The following TMEM229B variants were observed in gnomAD, a reference collection of about 807,000 sequenced individuals.
The protein encoded by TMEM229B is transmembrane protein 229B, also known as chromosome 14 open reading frame 83.
A neutral mutation model predicts 13.7 loss-of-function variants in TMEM229B; 6 were observed. The observed-to-expected ratio is 0.44, with a 90% CI of 0.24 to 0.86. The LOEUF is 0.86. TMEM229B is among the 40% of genes least tolerant of loss of function. TMEM229B has a pLI of 0.23. For missense variants in TMEM229B, 170 were observed against 236.0 expected, an observed-to-expected ratio of 0.72 and a Z score of 1.83; for synonymous variants, 107 against 102.1, an observed-to-expected ratio of 1.05 and a Z score of -0.29.
At chr14:67,527,948 A>C (rs1350544609) in intron 1 of TMEM229B, among the ~76,000 whole-genome samples, 1 of 152,146 alleles carries the variant, frequency 6.6e-6, no homozygotes, top group Non-Finnish European at 1.5e-5. Flanking sequence ...GAGGCCCTCC[A>C]AAGTCCAGTT....
chr14:67,476,864 G>A (rs986892373), intron 2 of TMEM229B, among the ~76,000 whole-genome samples: 4 of 152,018 alleles, frequency 2.6e-5, no homozygotes, highest in African/African-American at 7.2e-5. Context: ...AGTGGCTCAC[G>A]CCTGTAATCC....
At chr14:67,504,840 C>T (rs2032759872) in intron 1 of TMEM229B, among the ~76,000 whole-genome samples, 1 of 152,086 alleles carries the variant, frequency 6.6e-6, no homozygotes, top group South Asian at 2.1e-4. Context: ...GAGCTGAGAT[C>T]TCACCATTGC....
intron 1 of TMEM229B, among the ~76,000 whole-genome samples, chr14:67,507,225 T>C (rs1025102706): frequency 6.6e-6 from 1 of 152,084 alleles, no homozygotes; most frequent in Non-Finnish European, 1.5e-5. Flanking sequence ...GTGGTGCAAC[T>C]ACAGTCCTAG....
chr14:67,484,527 C>T (rs567349004), intron 2 of TMEM229B, among the ~76,000 whole-genome samples: 5 of 152,262 alleles, frequency 3.3e-5, no homozygotes, highest in South Asian at 2.1e-4. Flanking sequence ...AGCAAAAGTT[C>T]CCTGTAATCA....
intron 2 of TMEM229B, among the ~76,000 whole-genome samples, chr14:67,474,187 G>A (rs2031010700): frequency 6.6e-6 from 1 of 152,042 alleles, no homozygotes; most frequent in Non-Finnish European, 1.5e-5. Flanking sequence ...GCAAGGCAGA[G>A]GTTGGAGTGA....
chr14:67,513,548 CCTGTAT>C (rs2033097377), intron 1 of TMEM229B, among the ~76,000 whole-genome samples: 1 of 152,188 alleles, frequency 6.6e-6, no homozygotes, highest in Non-Finnish European at 1.5e-5. Context: ...TCCCCAGTTG[CCTGTAT>C]CTGTCTCCAA....
upstream of TMEM229B, among the ~76,000 whole-genome samples, chr14:67,516,377 C>T (rs540664674): frequency 3.6e-3 from 530 of 146,488 alleles, 1 homozygote; most frequent in African/African-American, 0.012. Flanking sequence ...GTCTAATGGC[C>T]GCTTTTCAAC....
intron 1 of TMEM229B, among the ~76,000 whole-genome samples, chr14:67,495,585 C>A (rs555573490): frequency 6.6e-6 from 1 of 151,890 alleles, no homozygotes; most frequent in Non-Finnish European, 1.5e-5. Flanking sequence ...CAGATTCAAG[C>A]GATTCTCCTG....
At chr14:67,480,981 A>G (rs2140089229) in intron 2 of TMEM229B, among the ~76,000 whole-genome samples, 1 of 152,290 alleles carries the variant, frequency 6.6e-6, no homozygotes, top group Middle Eastern at 3.4e-3. Flanking sequence ...AGAGAAACCT[A>G]GGGTGAGAGA....
At chr14:67,484,218 T>C (rs2031748006) in intron 2 of TMEM229B, among the ~76,000 whole-genome samples, 1 of 152,186 alleles carries the variant, frequency 6.6e-6, no homozygotes, top group Non-Finnish European at 1.5e-5. Context: ...GAAAACTTCA[T>C]GAGAGCAGGG....
chr14:67,480,068 G>A (rs917731154), intron 2 of TMEM229B, among the ~76,000 whole-genome samples: 1 of 152,198 alleles, frequency 6.6e-6, no homozygotes, highest in Admixed American at 6.5e-5. Context: ...GACCACAGAA[G>A]GCTGTTGTGA....
Position 67,487,022 on chromosome 14 carries a change from G to C in TMEM229B, c.-41C>G, listed in dbSNP as rs538340114. ...CACTTATCACACCCTTGAGTGTGCA[G>C]CTCACAACAGACATCAGGATCACTG... On this transcript the variant is annotated 5_prime_UTR_variant, in exon 2 of 3. Transcript: ENST00000554480. The C allele has an allele frequency of 6.6e-6, 1 of 152,298 alleles. No homozygotes were observed. Among genetic ancestry groups the C allele is most frequent in the African/African-American group, 2.4e-5 (1 of 41,542 alleles). 9.4% of individuals were successfully genotyped at this position (152,298 alleles called of 1,614,324 possible).
intron 1 of TMEM229B, among the ~76,000 whole-genome samples, chr14:67,495,473 C>T (rs1477264189): frequency 6.6e-6 from 1 of 152,038 alleles, no homozygotes; most frequent in Admixed American, 6.6e-5. Context: ...TTTGTTAAAT[C>T]ACAGCCTTCT....
intron 1 of TMEM229B, among the ~76,000 whole-genome samples, chr14:67,510,974 C>G (rs976579017): frequency 7.9e-5 from 12 of 152,278 alleles, no homozygotes; most frequent in African/African-American, 2.9e-4. Context: ...AATCACCCCT[C>G]AGAAGTCTAG....
chr14:67,508,661 C>T (rs1460588461), intron 1 of TMEM229B, among the ~76,000 whole-genome samples: 9 of 148,054 alleles, frequency 6.1e-5, no homozygotes, highest in Admixed American at 4.9e-4. Context: ...CTAGAGGATC[C>T]CTTGAGCCCA....
chr14:67,520,862 G>T (rs1458828374), intron 1 of TMEM229B, among the ~76,000 whole-genome samples: 1 of 152,262 alleles, frequency 6.6e-6, no homozygotes, highest in Non-Finnish European at 1.5e-5. Context: ...TGTGGTGAGA[G>T]TATGTTTAGC....
At chr14:67,523,931 G>A (rs12887115) in intron 1 of TMEM229B, among the ~76,000 whole-genome samples, 63,914 of 151,880 alleles carry the variant, frequency 0.42, 14,125 homozygotes, top group East Asian at 0.5. Flanking sequence ...GGACAGGGAG[G>A]GAAGAATAGT....
upstream of TMEM229B, among the ~76,000 whole-genome samples, chr14:67,515,733 A>G (rs2033186530): frequency 6.6e-6 from 1 of 152,158 alleles, no homozygotes. Context: ...AGTTGTGGGG[A>G]CCAGGCGTGC....
intron 1 of TMEM229B, among the ~76,000 whole-genome samples, chr14:67,505,338 G>A (rs1845941400): frequency 1.3e-5 from 2 of 152,108 alleles, no homozygotes. Flanking sequence ...AATTCACCAG[G>A]ACCACTCAGG....
Sources: gnomAD v4.1 joint callset for allele counts (sites outside exome capture counted in the v4.1 genomes callset) on GRCh38, gnomAD v4.1.1 for gene constraint, MANE v1.5 for transcripts, NCBI Gene and HGNC (gene_info 2026-07-23, HGNC 2026-07-21) for gene names.